MSH4: variants seen among roughly 807,000 people sequenced by gnomAD.
MSH4 encodes mutS protein homolog 4.
A neutral mutation model predicts 113.7 loss-of-function variants in MSH4; 106 were observed. That is an observed-to-expected ratio of 0.93 (90% CI 0.80 to 1.10). The LOEUF is 1.10. Ranked by LOEUF, MSH4 falls within the 50% of genes least tolerant of loss-of-function variation. MSH4 has a pLI of 0.00. For missense variants in MSH4, 1,061 were observed against 1,093.7 expected, an observed-to-expected ratio of 0.97 and a Z score of 0.42; for synonymous variants, 368 against 380.2, an observed-to-expected ratio of 0.97 and a Z score of 0.37.
chr1:75,830,177 G>A (rs894543305), intron 7 of MSH4, among the ~76,000 whole-genome samples: 1 of 152,078 alleles, frequency 6.6e-6, no homozygotes, highest in Non-Finnish European at 1.5e-5. Flanking sequence ...TCAAGTGGAA[G>A]AAAGGCTATC....
rs764301512 is a variant in MSH4 at position 75,797,204 on chromosome 1, C to G, written c.219C>G (p.Pro73=). 6.2e-6 allele frequency: 10 copies of G among 1,606,130 alleles called. No homozygotes were observed. In the African/African-American group the frequency reaches 1.2e-4, roughly 19 times the overall value. Residue 73 remains proline, a synonymous_variant, in exon 1 of 20, where the codon CCC becomes CCG. Transcript: ENST00000263187. The part of the protein sequence containing the change: ...RSSSSSSLPC[P]APNSRPAQGS... ...GCAGCAGCAGCAGCCTTCCCTGCCC[C>G]GCGCCAAACTCCCGGCCAGCTCAAG...
chr1:75,883,540 T>C, intron 14 of MSH4, 81 bp from the exon 15 acceptor site: 1 of 1,100,224 alleles, frequency 9.1e-7, no homozygotes, highest in South Asian at 1.6e-5. Flanking sequence ...ATCACTAAGA[T>C]ATAGACAATA....
intron 15 of MSH4, among the ~76,000 whole-genome samples, chr1:75,886,573 ATTATG>A (rs1652120744): frequency 1.7e-5 from 2 of 115,532 alleles, no homozygotes; most frequent in African/African-American, 3.4e-5. Flanking sequence ...TATGCAAGTT[ATTATG>A]TATAATATAT....
chr1:75,886,762 AT>A lies in MSH4; in HGVS notation c.2108-2488del, dbSNP rs201622960. On this transcript the variant is annotated intron_variant, in intron 15 of 19. Transcript: ENST00000263187. ...ATATATTATATACATTATATATAAA[AT>A]ATGTATATAGTTATTATACCTTATA... Among the ~76,000 whole-genome samples the A allele has an allele frequency of 2.0e-4, 28 of 140,628 alleles. No homozygotes were observed. The East Asian group carries it at 5.2e-3, about 26-fold the overall frequency. The allele number at this position is 140,628 out of a possible 152,430, so 92.3% of individuals were successfully genotyped here.
intron 11 of MSH4, 55 bp downstream of exon 11, chr1:75,878,373 C>A: frequency 7.2e-7 from 1 of 1,385,088 alleles, no homozygotes; most frequent in Non-Finnish European, 9.7e-7. Flanking sequence ...CTTTTCAGGA[C>A]ATGCTGTCCT....
At chr1:75,858,050 T>C (rs187336038) in intron 8 of MSH4, among the ~76,000 whole-genome samples, 87 of 152,336 alleles carry the variant, frequency 5.7e-4, no homozygotes, top group Middle Eastern at 6.8e-3. Context: ...AGTTCACTCA[T>C]GATTTGGCTC....
intron 17 of MSH4, among the ~76,000 whole-genome samples, chr1:75,891,843 T>C (rs1652264479): frequency 6.6e-6 from 1 of 152,168 alleles, no homozygotes; most frequent in South Asian, 2.1e-4. Flanking sequence ...ATAATATTAG[T>C]CTTTGTAATT....
chr1:75,859,230 T>G (rs1017805251), intron 8 of MSH4, among the ~76,000 whole-genome samples: 1 of 152,188 alleles, frequency 6.6e-6, no homozygotes, highest in African/African-American at 2.4e-5. Context: ...GATTCATTCA[T>G]TTTTTGAAGG....
intron 9 of MSH4, among the ~76,000 whole-genome samples, chr1:75,868,121 C>T (rs1651628643): frequency 6.6e-6 from 1 of 151,990 alleles, no homozygotes; most frequent in Admixed American, 6.6e-5. Flanking sequence ...GTAGAATTTC[C>T]TCAATTTATG....
chr1:75,876,474 C>G (rs1323360664), intron 9 of MSH4, among the ~76,000 whole-genome samples: 1 of 151,892 alleles, frequency 6.6e-6, no homozygotes, highest in Non-Finnish European at 1.5e-5. Flanking sequence ...TAGTTAGTGA[C>G]CCCCTCATAG....
Position 75,879,174 on chromosome 1 carries a change from A to C in MSH4, c.1677+46A>C, listed in dbSNP as rs200288762. On this transcript the variant is annotated intron_variant, in intron 12 of 19. Transcript: ENST00000263187. The stretch of plus-strand genomic sequence containing the variant: ...GAAATTAGTGTTTCTGATTTTATAG[A>C]ATTACATCTACATATTTTTGGGACT... 4.2e-4 allele frequency: 646 copies of C among 1,547,300 alleles called. 1 individual carries two copies. The highest frequency in any genetic ancestry group is 5.2e-4 in the Non-Finnish European group (593 of 1,130,194).
intron 7 of MSH4, among the ~76,000 whole-genome samples, chr1:75,834,766 C>T (rs1200427057): frequency 6.6e-6 from 1 of 152,036 alleles, no homozygotes; most frequent in Non-Finnish European, 1.5e-5. Context: ...AACCACACAC[C>T]AGGGTCTGTC....
chr1:75,848,500 C>G (rs545709886), intron 8 of MSH4, among the ~76,000 whole-genome samples: 3 of 152,216 alleles, frequency 2.0e-5, no homozygotes, highest in African/African-American at 7.2e-5. Context: ...TGGCTCATGC[C>G]TATAATCCCA....
chr1:75,905,822 C>T (rs1652615167), intron 19 of MSH4, among the ~76,000 whole-genome samples: 1 of 152,040 alleles, frequency 6.6e-6, no homozygotes, highest in Non-Finnish European at 1.5e-5. Context: ...TCTCTTTTTA[C>T]AGTCTTTGAC....
intron 18 of MSH4, among the ~76,000 whole-genome samples, chr1:75,898,594 C>T (rs1252108029): frequency 6.6e-6 from 1 of 151,200 alleles, no homozygotes; most frequent in Non-Finnish European, 1.5e-5. Flanking sequence ...TCTCTGCTCA[C>T]TGCAACCTCC....
chr1:75,822,288 CAAA>C (rs33965683), intron 6 of MSH4, 118 bp from the exon 7 acceptor site: 2,367 of 384,036 alleles, frequency 6.2e-3, no homozygotes, highest in South Asian at 1.0e-2. Flanking sequence ...GACTCTGTTT[CAAA>C]AAAAAAAAAA....
In MSH4 at chr1:75,893,875, C is replaced by T. The variant is rs2348226; in HGVS notation, c.2355+3051C>T. On this transcript the variant is annotated intron_variant, in intron 17 of 19. Coordinates refer to ENST00000263187, the MANE Select transcript of MSH4 (RefSeq NM_002440.4). ...TGTTGCAACTCAAAGAGTTAGAAAG[C>T]GATCTAACAGTTTGATTGACTGGCT... 9.7e-3 allele frequency among the ~76,000 whole-genome samples: 1,473 copies of T among 152,180 alleles called. 8 individuals are homozygous for T. Among genetic ancestry groups the T allele is most frequent in the African/African-American group, 0.012 (514 of 41,518 alleles).
chr1:75,821,719 C>T (rs1146656), intron 6 of MSH4, among the ~76,000 whole-genome samples: 120,579 of 152,128 alleles, frequency 0.79, 48,354 homozygotes, highest in South Asian at 0.9. Context: ...AGCAATCCTC[C>T]CATCTCAGCC....
At chr1:75,911,161 T>C (rs12087636) in intron 19 of MSH4, among the ~76,000 whole-genome samples, 64,579 of 151,440 alleles carry the variant, frequency 0.43, 14,137 homozygotes, top group African/African-American at 0.5. Flanking sequence ...CTTAACCAGT[T>C]TTTACGTGAT....
Sources: allele counts gnomAD v4.1 joint callset (sites outside exome capture counted in the v4.1 genomes callset), GRCh38; gene constraint gnomAD v4.1.1; transcripts MANE v1.5; gene names NCBI Gene and HGNC (gene_info 2026-07-23, HGNC 2026-07-21).